The following PPM1J variants were observed in gnomAD, a reference collection of about 807,000 sequenced individuals.
The protein encoded by PPM1J is protein phosphatase, Mg2+/Mn2+ dependent 1J.
A neutral mutation model predicts 53.3 loss-of-function variants in PPM1J; 43 were observed. The observed-to-expected ratio is 0.81, with a 90% CI of 0.63 to 1.04. The LOEUF is 1.04. PPM1J is among the 50% of genes least tolerant of loss of function. PPM1J has a pLI of 0.00. For synonymous variants in PPM1J, 267 were observed against 286.4 expected (o/e 0.93, Z 0.68); for missense variants, 635 against 685.9 (o/e 0.93, Z 0.83).
rs1359930752 is a variant in PPM1J at position 112,715,172 on chromosome 1, T to C, written c.130A>G (p.Arg44Gly). 6.1e-6 allele frequency: 9 copies of C among 1,480,602 alleles called. No individual in the cohort carries two copies. Among genetic ancestry groups the C allele is most frequent in the Non-Finnish European group, 8.0e-6 (9 of 1,123,548 alleles). 91.7% of individuals were successfully genotyped at this position (1,480,602 alleles called of 1,614,324 possible). A position where few individuals can be genotyped will look rare whatever the true frequency, so the allele number is the denominator to read the frequency against. The change falls in exon 1 of 10, where the codon AGG (arginine) becomes GGG (glycine). Residue 44 changes from arginine (R) to glycine (G), a missense_variant. Arg to Gly is a moderately radical substitution (Grantham distance 125). Coordinates refer to ENST00000309276, the MANE Select transcript of PPM1J (RefSeq NM_005167.7). This position sits in a 1 kb window ranked among gnomAD's most constrained non-coding sequence, Gnocchi z 4.4. ...APPAAAPEAP[R>G]SPPAKAGSGS... ...CTCCCAGCCTTCGCGGGAGGGCTCC[T>C]GGGCGCTTCTGGAGCGGCGGCGGGC...
chr1:112,712,333 C>T lies in PPM1J; in HGVS notation c.842+12G>A. The T allele has an allele frequency of 2.5e-6, 4 of 1,592,676 alleles. No individual in the cohort carries two copies. The highest frequency in any genetic ancestry group is 3.4e-6 in the Non-Finnish European group (4 of 1,166,974). The stretch of plus-strand genomic sequence containing the variant: ...GCCCTCTGTCGCCACCTTGGAGCCC[C>T]CTCCCCCATACCTGCTATCGCCTGC... On this transcript the variant is annotated intron_variant, in intron 4 of 9. Coordinates refer to ENST00000309276, the MANE Select transcript of PPM1J (RefSeq NM_005167.7).
At position 112,710,166 on chromosome 1, in the gene PPM1J, G is replaced by A. The variant is rs375519741; in HGVS notation, c.1515C>T (p.Ser505=). Residue 505 remains serine (S), a synonymous_variant, in exon 10 of 10, where the codon TCC becomes TCT. Transcript: ENST00000309276. ...VIPLGGPGSY[S] is the part of the protein sequence containing the mutation. ...GGGAGGGATGGTGTTCAGCCCCTCA[G>A]GAGTAACTGCCTGGCCCTCCCAGGG... 3.2e-6 allele frequency: 5 copies of A among 1,563,138 alleles called. No homozygotes were observed. Among genetic ancestry groups the A allele is most frequent in the South Asian group, 2.4e-5 (2 of 84,094 alleles).
At position 112,710,505 on chromosome 1, in the gene PPM1J, G is replaced by A; in HGVS notation, c.1325C>T (p.Thr442Ile). 6.2e-7 allele frequency: 1 copy of A among 1,614,118 alleles called. No individual in the cohort carries two copies. Among genetic ancestry groups the A allele is most frequent in the Non-Finnish European group, 8.5e-7 (1 of 1,179,986 alleles). Residue 442 changes from threonine to isoleucine, a missense_variant, in exon 9 of 10, where the codon ACT becomes ATT. By Grantham distance (89) the Thr-to-Ile change is moderately conservative. Coordinates refer to ENST00000309276, the MANE Select transcript of PPM1J (RefSeq NM_005167.7). ...DVTTDCEVAATVDRVLSAYEP... is the reference protein window; with the variant it reads ...DVTTDCEVAAIVDRVLSAYEP... ...ATAGGCCGACAGCACCCTGTCCACA[G>A]TGGCAGCTACCTCACAGTCAGTAGT... is the stretch of plus-strand genomic sequence containing the variant.
rs1337876891 is a variant in PPM1J, at chr1:112,712,405, C to CA, written c.781dup (p.Cys261LeufsTer20). ...TAGCAGGTAGATCACAACCAGTGCA[C>CA]AGCAGCCCCCCTCCACTTGGTGGCC... On this transcript the variant is annotated frameshift_variant, in exon 4 of 10. Transcript: ENST00000309276. LOFTEE classifies it high-confidence loss of function. 8.7e-6 allele frequency: 14 copies of CA among 1,613,954 alleles called. No homozygotes were observed. The highest frequency in any genetic ancestry group is 1.2e-5 in the Non-Finnish European group (14 of 1,180,004).
At chr1:112,713,988 C>T (rs1675134890) in intron 1 of PPM1J, 3 of 1,093,302 alleles carry the variant, frequency 2.7e-6, no homozygotes, top group South Asian at 4.8e-5. Flanking sequence ...GACCCTACAT[C>T]CCACCCTCAA....
chr1:112,713,947 G>T, intron 1 of PPM1J: 1 of 848,356 alleles, frequency 1.2e-6, no homozygotes, highest in Non-Finnish European at 1.6e-6. Context: ...GGGGCTAGTT[G>T]GTAGCAGAAG....
intron 3 of PPM1J, 123 bp downstream of exon 3, chr1:112,712,621 G>C (rs1675092438): frequency 8.3e-7 from 1 of 1,210,066 alleles, no homozygotes; most frequent in East Asian, 2.3e-5. Flanking sequence ...CCTCCCCTCT[G>C]AACCAAGCTC....
At chr1:112,712,498 G>T in intron 3 of PPM1J, 41 bp from the exon 4 acceptor site, 1 of 1,551,668 alleles carries the variant, frequency 6.4e-7, no homozygotes, top group Non-Finnish European at 8.9e-7. Context: ...AGAAGGAGAG[G>T]TTCCAGCACA....
rs1675043166 is a variant in PPM1J at position 112,711,012 on chromosome 1, T to C, written c.1106A>G (p.Lys369Arg). 1 of 1,613,914 alleles carries C rather than the reference T, an allele frequency of 6.2e-7. No individual in the cohort carries two copies. Among genetic ancestry groups the C allele is most frequent in the East Asian group, 2.2e-5 (1 of 44,878 alleles). Residue 369 changes from lysine (K) to arginine (R), a missense_variant, in exon 7 of 10, where the codon AAA (lysine) becomes AGA (arginine). Physicochemically the swap from Lys to Arg is conservative, Grantham distance 26. Transcript: ENST00000309276. ...LRFPLVCGEG[K>R]KARVMATIGV... ...CACCTCTACCATGGAGTTTACCTTT[T>C]TGCCCTCCCCACAGACCAGAGGAAA... is the stretch of plus-strand genomic sequence containing the variant.
chr1:112,712,292 C>G, intron 4 of PPM1J, 53 bp downstream of exon 4: 4 of 1,378,278 alleles, frequency 2.9e-6, no homozygotes, highest in Non-Finnish European at 4.0e-6. Context: ...TGTATTCCCC[C>G]AACTCAGAGA....
intron 3 of PPM1J, 94 bp from the exon 4 acceptor site, chr1:112,712,551 G>A: frequency 8.1e-7 from 1 of 1,232,340 alleles, no homozygotes; most frequent in Non-Finnish European, 1.1e-6. Flanking sequence ...GAAATCAACT[G>A]GCCCAGCCAG....
In PPM1J at chr1:112,715,004, G is replaced by A; in HGVS notation, c.298C>T (p.Arg100Cys). The A allele has an allele frequency of 1.4e-6, 2 of 1,464,518 alleles. No individual in the cohort carries two copies. Among genetic ancestry groups the A allele is most frequent in the Non-Finnish European group, 1.8e-6 (2 of 1,116,140 alleles). 90.7% of individuals were successfully genotyped at this position (1,464,518 alleles called of 1,614,324 possible). Residue 100 changes from arginine (R) to cysteine (C), a missense_variant, in exon 1 of 10, where the codon CGC (arginine) becomes TGC (cysteine). Transcript: ENST00000309276. The surrounding 1 kb of genome is among the most constrained non-coding windows in gnomAD (Gnocchi z 4.4). ...GCGTAGCCTGTGCTCCAGGGCAGGCGGCGGCCCGTGTCCGGGGGGCTTTGC... is the reference window on the plus strand; with the variant it reads ...GCGTAGCCTGTGCTCCAGGGCAGGCAGCGGCCCGTGTCCGGGGGGCTTTGC... Reference protein sequence around the residue: ...AVQSPPDTGRRLPWSTGYAEV... With the variant: ...AVQSPPDTGRCLPWSTGYAEV...
chr1:112,715,292 G>C lies in PPM1J; in HGVS notation c.10C>G (p.Arg4Gly), dbSNP rs1242373575. MLNRVRSAVAHLVS... is the reference protein window; with the variant it reads MLNGVRSAVAHLVS... Reference sequence around the variant, plus strand: ...AGGTGCGCCACGGCCGAGCGCACCCGGTTTAGCATGCTGCCTCCCTGCCCC... The same window carrying C: ...AGGTGCGCCACGGCCGAGCGCACCCCGTTTAGCATGCTGCCTCCCTGCCCC... Residue 4 changes from arginine (R) to glycine (G), a missense_variant, in exon 1 of 10, where the codon CGG becomes GGG. Transcript: ENST00000309276. This position sits in a 1 kb window ranked among gnomAD's most constrained non-coding sequence, Gnocchi z 4.4. 1 of 1,297,340 alleles carries C rather than the reference G, an allele frequency of 7.7e-7. No homozygotes were observed. The highest frequency in any genetic ancestry group is 2.2e-5 in the South Asian group (1 of 44,510). The allele number at this position is 1,297,340 out of a possible 1,614,324, so 80.4% of individuals were successfully genotyped here. A position where few individuals can be genotyped will look rare whatever the true frequency, so the allele number is the denominator to read the frequency against.
intron 5 of PPM1J, chr1:112,711,593 G>T (rs978258878): frequency 8.4e-5 from 48 of 568,716 alleles, no homozygotes; most frequent in Non-Finnish European, 1.3e-4. Flanking sequence ...GTTAAGGGAG[G>T]GAACTGCTCC....
At chr1:112,710,892 T>C (rs376022334) in intron 7 of PPM1J, 41 bp from the exon 8 acceptor site, 193 of 1,603,282 alleles carry the variant, frequency 1.2e-4, no homozygotes, top group Non-Finnish European at 1.3e-4. Context: ...AGTCCTCTGC[T>C]AGATTCTCTG....
intron 7 of PPM1J, 65 bp downstream of exon 7, chr1:112,710,943 T>A: frequency 6.3e-7 from 1 of 1,587,078 alleles, no homozygotes; most frequent in South Asian, 1.1e-5. Flanking sequence ...AGGTAGAACC[T>A]CCACCTCCCT....
rs774835964 is a variant in PPM1J, at chr1:112,712,720, T to A, written c.729+24A>T. ...TGGCCAGAGTGGTTGCCTAGCAGGC[T>A]CTTGGCCCAGGTCACCCACTCACCA... On this transcript the variant is annotated intron_variant, in intron 3 of 9. Transcript: ENST00000309276. 1.9e-6 allele frequency: 3 copies of A among 1,587,504 alleles called. No homozygotes were observed. The South Asian group carries it at 3.5e-5, about 18-fold the overall frequency.
intron 4 of PPM1J, 130 bp from the exon 5 acceptor site, chr1:112,712,185 G>T: frequency 1.1e-6 from 1 of 933,922 alleles, no homozygotes; most frequent in Non-Finnish European, 1.6e-6. Flanking sequence ...ATCTGCCCCT[G>T]ACCCCACCCA....
In PPM1J at chr1:112,711,917, G is replaced by C. The variant is rs76944181; in HGVS notation, c.927+54C>G. On this transcript the variant is annotated intron_variant, in intron 5 of 9. Transcript: ENST00000309276. ...AGAGTTCTCAGGGCCATGGGGTGCA[G>C]GGAGGCACAAGACCCGACAAAGAAT... The C allele has an allele frequency of 1.1e-3, 1,393 of 1,290,522 alleles. 17 individuals carry two copies. In the African/African-American group the frequency reaches 0.016, roughly 15 times the overall value. The allele number at this position is 1,290,522 out of a possible 1,614,324, so 79.9% of individuals were successfully genotyped here.
Sources: allele counts gnomAD v4.1 joint callset, GRCh38; gene constraint gnomAD v4.1.1; non-coding constraint Gnocchi (gnomAD v3.1); transcripts MANE v1.5; gene names NCBI Gene and HGNC (gene_info 2026-07-23, HGNC 2026-07-21).